The following DIPK2A variants were observed in gnomAD, a reference collection of about 807,000 sequenced individuals.
The protein encoded by DIPK2A is Golgi Protein of 49 kDa.
A neutral mutation model predicts 39.0 loss-of-function variants in DIPK2A; 27 were observed. The observed-to-expected ratio is 0.69, with a 90% CI of 0.51 to 0.96. The LOEUF is 0.96. Among genes scored for constraint, DIPK2A ranks in the 40% least tolerant of loss-of-function variants. The probability of loss-of-function intolerance (pLI) is 0.00; values close to 1 mark genes in which losing one functional copy is unlikely to be tolerated. For synonymous variants in DIPK2A, 298 were observed against 240.8 expected (o/e 1.24, Z -2.20); for missense variants, 528 against 571.3 (o/e 0.92, Z 0.77).
intron 2 of DIPK2A, among the ~76,000 whole-genome samples, chr3:143,986,611 C>G (rs1015924725): frequency 3.0e-4 from 45 of 151,594 alleles, no homozygotes; most frequent in African/African-American, 1.0e-3. Flanking sequence ...GTAGTCCTAG[C>G]TACTCGGGAG....
chr3:143,988,951 C>G (rs539181921), intron 2 of DIPK2A, among the ~76,000 whole-genome samples: 208 of 152,170 alleles, frequency 1.4e-3, no homozygotes, highest in Non-Finnish European at 2.5e-3. Flanking sequence ...GTCGTGATTA[C>G]ACAAGTTACG....
chr3:143,981,455 AGGCTTTTCATGTGCCTG>A (rs2087828148), intron 1 of DIPK2A, among the ~76,000 whole-genome samples: 1 of 152,172 alleles, frequency 6.6e-6, no homozygotes. Context: ...AGATACTTTC[AGGCTTTTCATGTGCCTG>A]AACTGCCCCA....
At chr3:143,973,280 ATGTCTCTAC>A (rs1421770344) in intron 1 of DIPK2A, 1 of 1,441,938 alleles carries the variant, frequency 6.9e-7, no homozygotes, top group Admixed American at 2.0e-5. Flanking sequence ...ACTCCCCAAA[ATGTCTCTAC>A]TGCGAGTTTC....
chr3:143,975,634 G>A (rs1203494627), intron 1 of DIPK2A, among the ~76,000 whole-genome samples: 1 of 114,556 alleles, frequency 8.7e-6, no homozygotes, highest in South Asian at 2.3e-4. Flanking sequence ...AGTAATACTG[G>A]GATATTAATT....
At chr3:143,974,236 C>T (rs1464370059) in intron 1 of DIPK2A, among the ~76,000 whole-genome samples, 1 of 151,934 alleles carries the variant, frequency 6.6e-6, no homozygotes. Context: ...AAACCAGCTT[C>T]GTTTGATTAG....
At chr3:143,973,370 C>G in intron 1 of DIPK2A, 2 of 1,546,822 alleles carry the variant, frequency 1.3e-6, no homozygotes, top group Non-Finnish European at 1.7e-6. Flanking sequence ...AGACTGTTCA[C>G]GAGCCCTTGG....
chr3:143,988,468 G>A (rs982312759), intron 2 of DIPK2A, among the ~76,000 whole-genome samples: 3 of 152,090 alleles, frequency 2.0e-5, no homozygotes, highest in African/African-American at 7.2e-5. Context: ...TGGTGCTTCT[G>A]CTACAATGGC....
chr3:143,988,664 C>G lies in DIPK2A; in HGVS notation c.962-846C>G, dbSNP rs375188422. On this transcript the variant is annotated intron_variant, in intron 2 of 2. Transcript: ENST00000315691. ...CCTCTTACCTCAAAATCATAAGTTT[C>G]AAGTCTAGTTCTAGTTGTACATATG... Among the ~76,000 whole-genome samples the G allele has an allele frequency of 3.9e-5, 6 of 152,272 alleles. No homozygotes were observed. The East Asian group carries it at 1.2e-3, about 29-fold the overall frequency.
chr3:143,974,751 C>T (rs2087706298), intron 1 of DIPK2A, among the ~76,000 whole-genome samples: 1 of 151,840 alleles, frequency 6.6e-6, no homozygotes, highest in South Asian at 2.1e-4. Flanking sequence ...TAACAACTAA[C>T]AGTAGAATTG....
At position 143,989,682 on chromosome 3, in the gene DIPK2A, T is replaced by C. The variant is rs1236751980; in HGVS notation, c.1134T>C (p.Ser378=). The C allele has an allele frequency of 1.2e-6, 2 of 1,614,246 alleles. No individual in the cohort carries two copies. Among genetic ancestry groups the C allele is most frequent in the South Asian group, 2.2e-5 (2 of 91,084 alleles). Residue 378 remains serine (S), a synonymous_variant, in exon 3 of 3, where the codon TCT becomes TCC. Coordinates refer to ENST00000315691, the MANE Select transcript of DIPK2A (RefSeq NM_173552.5). The stretch of plus-strand genomic sequence containing the variant: ...GACATGCCACCTGGCGTGGCACTTC[T>C]GGAGGACTCCTTCATGATCCACCAA... The part of the protein sequence containing the change: ...LSRHATWRGT[S]GGLLHDPPSE...
At position 143,978,649 on chromosome 3, in the gene DIPK2A, T is replaced by G. The variant is rs1424552708; in HGVS notation, c.657+5660T>G. On this transcript the variant is annotated intron_variant, in intron 1 of 2. Transcript: ENST00000315691. ...ATATATATATATATATCTATATATA[T>G]ATATATATATCTATATATAGATATA... The G allele has an allele frequency of 2.4e-4, 10 of 41,580 alleles. 1 individual carries two copies. The highest frequency in any genetic ancestry group is 0.013 in the Middle Eastern group (1 of 80). The allele number at this position is 41,580 out of a possible 1,614,324, so 2.6% of individuals were successfully genotyped here. A position where few individuals can be genotyped will look rare whatever the true frequency, so the allele number is the denominator to read the frequency against.
Position 143,980,273 on chromosome 3 carries a change from G to GTCTT in DIPK2A, c.658-5267_658-5266insTTCT, listed in dbSNP as rs1353282161. On this transcript the variant is annotated intron_variant, in intron 1 of 2. Transcript: ENST00000315691. ...TCTTTCTTTCTTTTCTTTCTTATGT[G>GTCTT]TCTGTCTGTCTTTATTTTGATGGAG... Among the ~76,000 whole-genome samples the GTCTT allele has an allele frequency of 2.6e-5, 4 of 151,878 alleles. No individual in the cohort carries two copies. In the East Asian group the frequency reaches 7.7e-4, roughly 29 times the overall value.
At chr3:143,986,535 T>C (rs2087902088) in intron 2 of DIPK2A, among the ~76,000 whole-genome samples, 1 of 151,974 alleles carries the variant, frequency 6.6e-6, no homozygotes. Context: ...CCATCCTGGC[T>C]AACACGGTGA....
Position 143,972,889 on chromosome 3 carries a change from C to T in DIPK2A, c.557C>T (p.Thr186Ile), listed in dbSNP as rs1300509304. Residue 186 changes from threonine (T) to isoleucine (I), a missense_variant, in exon 1 of 3, where the codon ACC (threonine) becomes ATC (isoleucine). Thr to Ile is a moderately conservative substitution (Grantham distance 89). Coordinates refer to ENST00000315691, the MANE Select transcript of DIPK2A (RefSeq NM_173552.5). ...LDRLVRRYAE[T>I]KDSGSFLLRN... is the part of the protein sequence containing the mutation. ...CGCCTGGTGCGCCGCTACGCGGAGACCAAGGACTCGGGCAGCTTCCTGCTT... is the reference window on the plus strand; with the variant it reads ...CGCCTGGTGCGCCGCTACGCGGAGATCAAGGACTCGGGCAGCTTCCTGCTT... 1.3e-6 allele frequency: 2 copies of T among 1,580,902 alleles called. No individual in the cohort carries two copies. The highest frequency in any genetic ancestry group is 1.1e-5 in the South Asian group (1 of 87,266).
chr3:143,984,968 A>C (rs538716140), intron 1 of DIPK2A, among the ~76,000 whole-genome samples: 1 of 152,306 alleles, frequency 6.6e-6, no homozygotes, highest in East Asian at 1.9e-4. Context: ...AAAGGCCCCT[A>C]CTAAATGATC....
At position 143,989,506 on chromosome 3, in the gene DIPK2A, A is replaced by C. The variant is rs750960598; in HGVS notation, c.962-4A>C. The C allele has an allele frequency of 2.0e-5, 31 of 1,585,992 alleles. No individual in the cohort carries two copies. Among genetic ancestry groups the C allele is most frequent in the Non-Finnish European group, 2.6e-5 (30 of 1,164,610 alleles). On this transcript the variant is annotated splice_region_variant and splice_polypyrimidine_tract_variant and intron_variant, in intron 2 of 2. Transcript: ENST00000315691. ...TTCTACTTCTGCTTTTCCTCCTTTC[A>C]CAGATAAACCTGAAAATTGGGATGT...
chr3:143,973,131 C>T (rs2087682453), intron 1 of DIPK2A, 142 bp downstream of exon 1: 2 of 1,220,510 alleles, frequency 1.6e-6, no homozygotes, highest in African/African-American at 1.5e-5. Context: ...GAAGGGGCGT[C>T]TCCGGGGGAG....
Position 143,991,049 on chromosome 3 carries a change from A to T in DIPK2A, c.*1208A>T, listed in dbSNP as rs2087979790. 1 of 152,484 alleles carries T rather than the reference A, an allele frequency of 6.6e-6. No homozygotes were observed. Among genetic ancestry groups the T allele is most frequent in the Admixed American group, 6.5e-5 (1 of 15,282 alleles). The allele number at this position is 152,484 out of a possible 1,614,324, so 9.4% of individuals were successfully genotyped here. On this transcript the variant is annotated 3_prime_UTR_variant, in exon 3 of 3. Transcript: ENST00000315691. ...AGCATACAAATTAGCCAGTCAGCAC[A>T]CTTTGGTCTTCTTTACCTAAGGGTT...
At chr3:143,985,163 G>C (rs1042081344) in intron 1 of DIPK2A, among the ~76,000 whole-genome samples, 3 of 152,232 alleles carry the variant, frequency 2.0e-5, no homozygotes, top group African/African-American at 4.8e-5. Context: ...ATAGGCTGCA[G>C]TGCTATCAGT....
Sources: allele counts gnomAD v4.1 joint callset (sites outside exome capture counted in the v4.1 genomes callset), GRCh38; gene constraint gnomAD v4.1.1; transcripts MANE v1.5; gene names NCBI Gene and HGNC (gene_info 2026-07-23, HGNC 2026-07-21).